GLB1L3: variants seen among roughly 807,000 people sequenced by gnomAD.
GLB1L3 encodes galactosidase beta 1 like 3, also known as beta-galactosidase-1-like protein 3.
Under a neutral mutation model 89.5 loss-of-function variants are expected in GLB1L3, and 89 were observed. That is an observed-to-expected ratio of 0.99 (90% CI 0.84 to 1.19). GLB1L3 has a LOEUF of 1.19. Among genes scored for constraint, GLB1L3 ranks in the 50% most tolerant of loss-of-function variants. The probability of loss-of-function intolerance (pLI) is 0.00; values close to 1 mark genes in which losing one functional copy is unlikely to be tolerated. For synonymous variants in GLB1L3, 314 were observed against 312.3 expected, an observed-to-expected ratio of 1.01 and a Z score of -0.06; for missense variants, 812 against 813.3, an observed-to-expected ratio of 1.00 and a Z score of 0.02.
At chr11:134,313,730 A>G (rs894123095) in intron 16 of GLB1L3, among the ~76,000 whole-genome samples, 2 of 152,232 alleles carry the variant, frequency 1.3e-5, no homozygotes, top group Non-Finnish European at 2.9e-5. Context: ...AATTTCAGGA[A>G]AAGTTCCAGT....
Position 134,276,681 on chromosome 11 carries a change from CG to C in GLB1L3, c.-56del. The C allele has an allele frequency of 1.5e-6, 2 of 1,365,606 alleles. No individual in the cohort carries two copies. The highest frequency in any genetic ancestry group is 1.9e-6 in the Non-Finnish European group (2 of 1,056,026). 84.6% of individuals were successfully genotyped at this position (1,365,606 alleles called of 1,614,324 possible). A position where few individuals can be genotyped will look rare whatever the true frequency, so the allele number is the denominator to read the frequency against. ...TCGAGTCCCGGCCCGAGCGCGGCGT[CG>C]GGGCCAGCGGAGAGGGGCGGAAGCC... On this transcript the variant is annotated 5_prime_UTR_variant, in exon 1 of 20. Coordinates refer to ENST00000431683, the MANE Select transcript of GLB1L3 (RefSeq NM_001080407.3).
intron 2 of GLB1L3, 102 bp from the exon 3 acceptor site, chr11:134,277,598 C>G: frequency 2.0e-6 from 3 of 1,512,812 alleles, no homozygotes; most frequent in Non-Finnish European, 2.7e-6. Flanking sequence ...ACACGTCCTA[C>G]TAACAAAAAC....
intron 10 of GLB1L3, among the ~76,000 whole-genome samples, chr11:134,308,544 T>G (rs909157755): frequency 6.0e-5 from 1 of 16,536 alleles, no homozygotes; most frequent in Non-Finnish European, 1.7e-4. Context: ...ACCACCACCA[T>G]CACCATCACC....
Position 134,311,174 on chromosome 11 carries a change from C to T in GLB1L3, c.1287+4C>T, listed in dbSNP as rs374606271. 2.7e-4 allele frequency: 437 copies of T among 1,608,112 alleles called. 3 individuals are homozygous for T. In the South Asian group the frequency reaches 4.4e-3, roughly 16 times the overall value. On this transcript the variant is annotated splice_donor_region_variant and intron_variant, in intron 13 of 19. Coordinates refer to ENST00000431683, the MANE Select transcript of GLB1L3 (RefSeq NM_001080407.3). ...CGCCCTATCCTACTTAAATGAGGTGCGTGCTGCCTGGCCACAGGAGGCGGA... is the reference window on the plus strand; with the variant it reads ...CGCCCTATCCTACTTAAATGAGGTGTGTGCTGCCTGGCCACAGGAGGCGGA...
At chr11:134,312,152 G>T (rs1002486651) in intron 13 of GLB1L3, 197 bp from the exon 14 acceptor site, 2 of 583,748 alleles carry the variant, frequency 3.4e-6, no homozygotes, top group Non-Finnish European at 3.0e-6. Flanking sequence ...TCATCACCAT[G>T]CCCTGCATTT....
intron 16 of GLB1L3, 138 bp downstream of exon 16, chr11:134,313,612 A>T: frequency 1.3e-6 from 1 of 757,282 alleles, no homozygotes; most frequent in South Asian, 1.7e-5. Context: ...AGAGATGCAA[A>T]ATCGGCCCCT....
chr11:134,282,531 C>T (rs190274371), intron 5 of GLB1L3, among the ~76,000 whole-genome samples: 154 of 152,296 alleles, frequency 1.0e-3, no homozygotes, highest in East Asian at 9.7e-4. Flanking sequence ...AAGGTTCTGA[C>T]GACTCGGCTT....
At chr11:134,304,945 G>A (rs185274530) in intron 9 of GLB1L3, among the ~76,000 whole-genome samples, 123 of 152,262 alleles carry the variant, frequency 8.1e-4, no homozygotes, top group African/African-American at 2.7e-3. Context: ...ATGGAGATGA[G>A]TTCTTATTGG....
chr11:134,285,030 G>C (rs1328364922), intron 6 of GLB1L3, among the ~76,000 whole-genome samples: 1 of 144,884 alleles, frequency 6.9e-6, no homozygotes, highest in Non-Finnish European at 1.5e-5. Flanking sequence ...CTGGGTTCAC[G>C]CCATTCTCCT....
chr11:134,279,261 G>A (rs1374521450), intron 3 of GLB1L3, among the ~76,000 whole-genome samples: 1 of 151,860 alleles, frequency 6.6e-6, no homozygotes, highest in African/African-American at 2.4e-5. Context: ...GGACGACATA[G>A]CTCTTTGAAT....
At chr11:134,302,692 A>G (rs1246254679) in intron 9 of GLB1L3, among the ~76,000 whole-genome samples, 2 of 151,920 alleles carry the variant, frequency 1.3e-5, no homozygotes, top group Non-Finnish European at 2.9e-5. Flanking sequence ...TTTGTTTTCA[A>G]TTTTTAGGTG....
Position 134,290,058 on chromosome 11 carries a change from G to A in GLB1L3, c.729+1168G>A, listed in dbSNP as rs940109489. Among the ~76,000 whole-genome samples, 13 of 152,210 alleles carry A rather than the reference G, an allele frequency of 8.5e-5. No homozygotes were observed. In the South Asian group the frequency reaches 1.2e-3, roughly 15 times the overall value. On this transcript the variant is annotated intron_variant, in intron 7 of 19. Transcript: ENST00000431683. Reference sequence around the variant, plus strand: ...GAGGGCGGGGCTGGACTTCATCCACGTGCTGGCTCCCGCGCTATAGCTGTG... The same window carrying A: ...GAGGGCGGGGCTGGACTTCATCCACATGCTGGCTCCCGCGCTATAGCTGTG...
intron 9 of GLB1L3, among the ~76,000 whole-genome samples, chr11:134,295,525 A>G (rs1395539858): frequency 6.6e-6 from 1 of 152,106 alleles, no homozygotes; most frequent in Admixed American, 6.6e-5. Context: ...TGTGGCTAGA[A>G]GTTTATAATT....
At chr11:134,279,176 C>T (rs1320583216) in intron 3 of GLB1L3, among the ~76,000 whole-genome samples, 1 of 151,720 alleles carries the variant, frequency 6.6e-6, no homozygotes, top group Non-Finnish European at 1.5e-5. Flanking sequence ...TTATCTTTAC[C>T]CTGAAAGTTT....
At chr11:134,321,062 A>G (rs1943161401), downstream of GLB1L3, among the ~76,000 whole-genome samples, 1 of 152,208 alleles carries the variant, frequency 6.6e-6, no homozygotes. Context: ...CGTGGAATCC[A>G]AGAAGGATGC....
At chr11:134,289,898 C>T (rs982547939) in intron 7 of GLB1L3, among the ~76,000 whole-genome samples, 18 of 152,178 alleles carry the variant, frequency 1.2e-4, no homozygotes, top group Non-Finnish European at 2.4e-4. Context: ...GGCTGCCAAG[C>T]AGAGTGCAGG....
chr11:134,291,686 T>C (rs1310968796), intron 7 of GLB1L3, among the ~76,000 whole-genome samples: 1 of 152,298 alleles, frequency 6.6e-6, no homozygotes, highest in African/African-American at 2.4e-5. Flanking sequence ...TTAAGAAATA[T>C]ATTTTTGGCC....
At chr11:134,319,795 G>T (rs532861253), downstream of GLB1L3, among the ~76,000 whole-genome samples, 1 of 152,008 alleles carries the variant, frequency 6.6e-6, no homozygotes, top group East Asian at 1.9e-4. Flanking sequence ...TAGGGGAAAG[G>T]AGAGGGCAAT....
chr11:134,302,010 C>T (rs1461309567), intron 9 of GLB1L3, among the ~76,000 whole-genome samples: 1 of 152,098 alleles, frequency 6.6e-6, no homozygotes, highest in East Asian at 1.9e-4. Flanking sequence ...GCCTTCTTAT[C>T]AATTTTAATC....
Sources: allele counts gnomAD v4.1 joint callset (sites outside exome capture counted in the v4.1 genomes callset), GRCh38; gene constraint gnomAD v4.1.1; transcripts MANE v1.5; gene names NCBI Gene and HGNC (gene_info 2026-07-23, HGNC 2026-07-21).